The following SRGAP3 variants were observed in gnomAD, a reference collection of about 807,000 sequenced individuals.
The protein encoded by SRGAP3 is SLIT-ROBO Rho GTPase-activating protein 3.
In SRGAP3, 39 loss-of-function variants were observed where a neutral mutation model predicts 121.1. The observed-to-expected ratio is 0.32, with a 90% CI of 0.25 to 0.42. The LOEUF is 0.42. Among genes scored for constraint, SRGAP3 ranks in the 10% least tolerant of loss-of-function variants. The pLI, the probability that SRGAP3 is intolerant of heterozygous loss-of-function variation, is 1.00. For missense variants in SRGAP3, 1,213 were observed against 1,470.6 expected, an observed-to-expected ratio of 0.82 and a Z score of 2.86; for synonymous variants, 601 against 570.0, an observed-to-expected ratio of 1.05 and a Z score of -0.77.
At chr3:9,243,773 C>T (rs760203573) in intron 1 of SRGAP3, among the ~76,000 whole-genome samples, 5 of 152,120 alleles carry the variant, frequency 3.3e-5, no homozygotes, top group East Asian at 1.9e-4. Context: ...AGGCTTCGTG[C>T]GGACTTCAAC....
At chr3:9,202,809 C>T (rs915872204) in intron 1 of SRGAP3, among the ~76,000 whole-genome samples, 4 of 152,260 alleles carry the variant, frequency 2.6e-5, no homozygotes, top group Non-Finnish European at 5.9e-5. Context: ...AGACCATTTC[C>T]CCAGCTGCCC....
intron 1 of SRGAP3, among the ~76,000 whole-genome samples, chr3:9,342,869 C>T (rs1396334678): frequency 1.3e-5 from 2 of 152,220 alleles, no homozygotes; most frequent in Non-Finnish European, 2.9e-5. Flanking sequence ...TTTCCTGTGC[C>T]TGTTCTGATT....
intron 1 of SRGAP3, chr3:9,348,792 C>T: frequency 7.3e-7 from 1 of 1,367,752 alleles, no homozygotes; most frequent in Non-Finnish European, 1.0e-6. Flanking sequence ...TGGAGGCACT[C>T]CTATGATGTC....
chr3:9,071,263 G>C (rs935836667), intron 4 of SRGAP3, among the ~76,000 whole-genome samples: 5 of 152,056 alleles, frequency 3.3e-5, no homozygotes, highest in Non-Finnish European at 7.4e-5. Context: ...CTTTCTTTGG[G>C]AATAGCCCCC....
rs192433810 is a variant in SRGAP3, at chr3:9,259,905, G to A, written n.442+66105C>T. On this transcript the variant is annotated intron_variant and non_coding_transcript_variant, in intron 3 of 3. Coordinates refer to the SRGAP3 transcript ENST00000490889. ...ACAGCTCTGATCTGCAGCTCCCAGCGAGACCAAGAAGACGGGTGACTTCTG... is the reference window on the plus strand; with the variant it reads ...ACAGCTCTGATCTGCAGCTCCCAGCAAGACCAAGAAGACGGGTGACTTCTG... Among the ~76,000 whole-genome samples the A allele has an allele frequency of 4.3e-4, 66 of 151,992 alleles. 1 individual carries two copies. The East Asian group carries it at 5.6e-3, about 13-fold the overall frequency.
chr3:9,126,645 C>CTAACTAAATAAA (rs1310035999), intron 1 of SRGAP3, among the ~76,000 whole-genome samples: 2 of 129,310 alleles, frequency 1.5e-5, no homozygotes, highest in African/African-American at 6.0e-5. Context: ...AACTAACTAA[C>CTAACTAAATAAA]TAAATAAATA....
intron 3 of SRGAP3, among the ~76,000 whole-genome samples, chr3:9,086,991 C>A (rs908124716): frequency 6.7e-6 from 1 of 149,778 alleles, no homozygotes; most frequent in Non-Finnish European, 1.5e-5. Context: ...AGGCAGGAGG[C>A]GGAAAGGGCC....
At chr3:9,171,546 T>A (rs1489268696) in intron 1 of SRGAP3, among the ~76,000 whole-genome samples, 1 of 152,242 alleles carries the variant, frequency 6.6e-6, no homozygotes, top group Non-Finnish European at 1.5e-5. Flanking sequence ...CGCATGGTTC[T>A]ACATGACTTG....
intron 3 of SRGAP3, among the ~76,000 whole-genome samples, chr3:9,269,637 G>T (rs76795455): frequency 2.0e-5 from 3 of 152,352 alleles, no homozygotes; most frequent in African/African-American, 7.2e-5. Flanking sequence ...TCCTCATGCT[G>T]TGTGGGGATG....
chr3:9,105,438 C>G (rs910306127), intron 2 of SRGAP3, among the ~76,000 whole-genome samples: 1 of 152,214 alleles, frequency 6.6e-6, no homozygotes, highest in Non-Finnish European at 1.5e-5. Flanking sequence ...ACCTACAAGA[C>G]AAATAACCCT....
intron 4 of SRGAP3, among the ~76,000 whole-genome samples, chr3:9,065,786 G>A (rs1946402222): frequency 6.6e-6 from 1 of 152,116 alleles, no homozygotes; most frequent in South Asian, 2.1e-4. Flanking sequence ...TTTGAATAAG[G>A]CTGCTATGAA....
In SRGAP3 at chr3:9,020,583, G is replaced by C. The variant is rs546732612; in HGVS notation, c.1678+4678C>G. On this transcript the variant is annotated intron_variant, in intron 14 of 21. Transcript: ENST00000383836. ...TAGTTCCCGTTGTTAAGCATGATTC[G>C]CATATTGACTTTACATACGCACACA... 3.3e-5 allele frequency among the ~76,000 whole-genome samples: 5 copies of C among 152,206 alleles called. 1 individual carries two copies. The highest frequency in any genetic ancestry group is 9.6e-5 in the African/African-American group (4 of 41,526).
intron 18 of SRGAP3, among the ~76,000 whole-genome samples, chr3:9,005,982 T>C (rs1212282939): frequency 1.3e-5 from 2 of 152,200 alleles, no homozygotes; most frequent in African/African-American, 4.8e-5. Flanking sequence ...GGGTCCTTCG[T>C]AGGTATAAGG....
At chr3:9,056,524 T>A (rs1945831344) in intron 7 of SRGAP3, among the ~76,000 whole-genome samples, 190 bp from the exon 8 acceptor site, 1 of 152,106 alleles carries the variant, frequency 6.6e-6, no homozygotes, top group South Asian at 2.1e-4. Context: ...AGAACCGGGG[T>A]CTTCCTACTC....
chr3:9,099,178 G>A (rs142914630), intron 3 of SRGAP3, among the ~76,000 whole-genome samples: 5 of 152,272 alleles, frequency 3.3e-5, no homozygotes, highest in Middle Eastern at 3.4e-3. Flanking sequence ...GGACATCTTC[G>A]AGGCGGGAAC....
intron 3 of SRGAP3, among the ~76,000 whole-genome samples, chr3:9,096,937 GTATATATATATATATATATATA>G (rs58305278): frequency 4.6e-4 from 28 of 61,324 alleles, no homozygotes; most frequent in Admixed American, 1.4e-3. Context: ...ACATTATTTT[GTATATATATATATATATATATA>G]TATATATATA....
chr3:9,339,566 G>A (rs2728944), intron 1 of SRGAP3, among the ~76,000 whole-genome samples: 95,723 of 152,110 alleles, frequency 0.63, 30,506 homozygotes, highest in East Asian at 0.88. Flanking sequence ...GAGAGCTCAC[G>A]ACTTCATTAA....
chr3:9,199,814 A>C (rs968481837), intron 1 of SRGAP3, among the ~76,000 whole-genome samples: 1 of 152,202 alleles, frequency 6.6e-6, no homozygotes, highest in Non-Finnish European at 1.5e-5. Context: ...CTTTCTCGAC[A>C]TACCAAGCCC....
intron 10 of SRGAP3, among the ~76,000 whole-genome samples, chr3:9,038,859 A>T (rs1234283157): frequency 6.6e-6 from 1 of 152,090 alleles, no homozygotes; most frequent in African/African-American, 2.4e-5. Context: ...ACCATTTCCA[A>T]CAGCATATCA....
Sources: gnomAD v4.1 joint callset for allele counts (sites outside exome capture counted in the v4.1 genomes callset) on GRCh38, gnomAD v4.1.1 for gene constraint, MANE v1.5 for transcripts, NCBI Gene and HGNC (gene_info 2026-07-23, HGNC 2026-07-21) for gene names.